The following TMTC2 variants were observed in gnomAD, a reference collection of about 807,000 sequenced individuals.
TMTC2 encodes protein O-mannosyl-transferase TMTC2.
Under a neutral mutation model 82.4 loss-of-function variants are expected in TMTC2, and 43 were observed. The observed-to-expected ratio is 0.52, with a 90% CI of 0.41 to 0.67. The LOEUF (loss-of-function observed/expected upper bound fraction) is 0.67, where lower values mean the gene tolerates loss of function less well. Among genes scored for constraint, TMTC2 ranks in the 30% least tolerant of loss-of-function variants. The probability of loss-of-function intolerance (pLI) is 0.00; values close to 1 mark genes in which losing one functional copy is unlikely to be tolerated. For missense variants in TMTC2, 919 were observed against 1,012.4 expected (o/e 0.91, Z 1.25); for synonymous variants, 408 against 381.9 (o/e 1.07, Z -0.80).
intron 1 of TMTC2, among the ~76,000 whole-genome samples, chr12:82,765,232 C>A (rs1359828019): frequency 6.6e-6 from 1 of 152,130 alleles, no homozygotes; most frequent in East Asian, 1.9e-4. Context: ...ATTTAATTTC[C>A]TTTCATATTT....
At chr12:82,922,164 T>G (rs1439035748) in intron 3 of TMTC2, among the ~76,000 whole-genome samples, 1 of 152,172 alleles carries the variant, frequency 6.6e-6, no homozygotes. Flanking sequence ...TGAAAGAACT[T>G]GGAGAATTTT....
chr12:83,068,276 T>C (rs945852530), intron 11 of TMTC2, among the ~76,000 whole-genome samples: 3 of 152,098 alleles, frequency 2.0e-5, no homozygotes, highest in East Asian at 1.9e-4. Context: ...CTATTATTAA[T>C]TGAAAGGATA....
chr12:83,029,328 T>TA (rs920954617), intron 8 of TMTC2, among the ~76,000 whole-genome samples: 19 of 151,762 alleles, frequency 1.3e-4, no homozygotes, highest in African/African-American at 4.4e-4. Context: ...TGAACCTTTT[T>TA]AAAAAAAAAC....
intron 4 of TMTC2, among the ~76,000 whole-genome samples, chr12:82,950,150 C>T (rs943818350): frequency 6.6e-6 from 1 of 152,172 alleles, no homozygotes; most frequent in African/African-American, 2.4e-5. Flanking sequence ...ATTTGAATCT[C>T]ATCTTGAGTC....
intron 1 of TMTC2, among the ~76,000 whole-genome samples, chr12:82,795,241 G>T (rs1419361494): frequency 6.7e-6 from 1 of 149,990 alleles, no homozygotes; most frequent in East Asian, 2.0e-4. Context: ...GGAGGCAGGG[G>T]TTGCAGTGAG....
At chr12:82,987,550 A>T (rs753104083) in intron 8 of TMTC2, among the ~76,000 whole-genome samples, 2 of 152,160 alleles carry the variant, frequency 1.3e-5, no homozygotes, top group Non-Finnish European at 2.9e-5. Flanking sequence ...CACTAAACTG[A>T]GCATGAGTAG....
intron 11 of TMTC2, among the ~76,000 whole-genome samples, chr12:83,092,215 TGTGCTTTTGCA>T (rs1271044712): frequency 2.0e-5 from 3 of 152,150 alleles, no homozygotes; most frequent in Non-Finnish European, 4.4e-5. Flanking sequence ...TCCCAAAAGG[TGTGCTTTTGCA>T]GTGTTCCTCC....
At chr12:82,757,521 A>G (rs1876404896) in intron 1 of TMTC2, among the ~76,000 whole-genome samples, 1 of 152,190 alleles carries the variant, frequency 6.6e-6, no homozygotes, top group African/African-American at 2.4e-5. Flanking sequence ...AGGTTAGGAA[A>G]TACACTTTTT....
chr12:82,757,816 A>T (rs145940896), intron 1 of TMTC2, among the ~76,000 whole-genome samples: 19 of 152,310 alleles, frequency 1.2e-4, no homozygotes, highest in African/African-American at 4.6e-4. Context: ...GAAGTCAGGG[A>T]AAGTGGCTCA....
At chr12:82,742,229 A>G (rs1258272998) in intron 1 of TMTC2, among the ~76,000 whole-genome samples, 1 of 152,042 alleles carries the variant, frequency 6.6e-6, no homozygotes, top group African/African-American at 2.4e-5. Context: ...ATCCTTCAAG[A>G]CAAACAGAGG....
intron 8 of TMTC2, among the ~76,000 whole-genome samples, chr12:83,007,365 T>C (rs1277608226): frequency 6.6e-6 from 1 of 152,214 alleles, no homozygotes; most frequent in Non-Finnish European, 1.5e-5. Context: ...TTTGCTGCAT[T>C]GTATTTCGTT....
chr12:82,921,101 CT>C (rs1185335100), intron 3 of TMTC2, among the ~76,000 whole-genome samples: 3 of 151,636 alleles, frequency 2.0e-5, no homozygotes, highest in Non-Finnish European at 4.4e-5. Context: ...TTTTTTCCCC[CT>C]AGCAGTTCTG....
At chr12:82,928,183 G>A (rs1449099796) in intron 3 of TMTC2, among the ~76,000 whole-genome samples, 5 of 151,682 alleles carry the variant, frequency 3.3e-5, no homozygotes, top group African/African-American at 1.2e-4. Flanking sequence ...TATATTCTAA[G>A]ACTACTATCA....
chr12:82,857,194 G>A lies in TMTC2; in HGVS notation c.268G>A (p.Val90Ile). 1 of 1,614,132 alleles carries A rather than the reference G, an allele frequency of 6.2e-7. No individual in the cohort carries two copies. The highest frequency in any genetic ancestry group is 1.1e-5 in the South Asian group (1 of 91,086). The change falls in exon 2 of 12, where the codon GTC (valine) becomes ATC (isoleucine). Residue 90 changes from valine (V) to isoleucine (I), a missense_variant. By Grantham distance (29) the Val-to-Ile change is conservative (BLOSUM62 3). Transcript: ENST00000321196. ...GGLNPWSYHL[V>I]NVLLHAAVTG... ...GTTGAATCCCTGGAGCTACCATCTT[G>A]TCAATGTCCTGTTGCATGCAGCAGT...
At chr12:82,707,484 C>G (rs991767059) in intron 1 of TMTC2, among the ~76,000 whole-genome samples, 1 of 152,206 alleles carries the variant, frequency 6.6e-6, no homozygotes, top group African/African-American at 2.4e-5. Flanking sequence ...CCAAAGAGCT[C>G]TAATGAGGCC....
chr12:82,775,778 C>G (rs1383022473), intron 1 of TMTC2, among the ~76,000 whole-genome samples: 1 of 152,006 alleles, frequency 6.6e-6, no homozygotes, highest in African/African-American at 2.4e-5. Flanking sequence ...TTCAATAGCA[C>G]TGTGGTAGGG....
intron 1 of TMTC2, among the ~76,000 whole-genome samples, chr12:82,846,438 C>T (rs1299623429): frequency 6.6e-6 from 1 of 152,016 alleles, no homozygotes; most frequent in African/African-American, 2.4e-5. Flanking sequence ...TCCTCATCAT[C>T]CATGGAAGCT....
chr12:83,045,750 C>T (rs1882092228), intron 9 of TMTC2, among the ~76,000 whole-genome samples: 1 of 140,068 alleles, frequency 7.1e-6, no homozygotes, highest in African/African-American at 2.5e-5. Context: ...CACACACACA[C>T]ACCAGGAGTG....
At chr12:82,690,846 T>A (rs781032730) in intron 1 of TMTC2, among the ~76,000 whole-genome samples, 2 of 152,232 alleles carry the variant, frequency 1.3e-5, no homozygotes, top group Non-Finnish European at 2.9e-5. Context: ...CTGGAGAAAT[T>A]TGGTGTTTAG....
Sources: allele counts gnomAD v4.1 joint callset (sites outside exome capture counted in the v4.1 genomes callset), GRCh38; gene constraint gnomAD v4.1.1; transcripts MANE v1.5; gene names NCBI Gene and HGNC (gene_info 2026-07-23, HGNC 2026-07-21).